Variants in TSPAN18 observed in about 807,000 individuals in gnomAD.
The protein encoded by TSPAN18 is tetraspanin 18.
TSPAN18 carries 14 observed loss-of-function variants against 27.3 expected under a neutral mutation model. The observed-to-expected ratio is 0.51, with a 90% CI of 0.34 to 0.80. The LOEUF (loss-of-function observed/expected upper bound fraction) is 0.80, where lower values mean the gene tolerates loss of function less well. TSPAN18 is among the 30% of genes least tolerant of loss of function. The pLI, the probability that TSPAN18 is intolerant of heterozygous loss-of-function variation, is 0.01. For missense variants in TSPAN18, 268 were observed against 323.9 expected (o/e 0.83, Z 1.32); for synonymous variants, 143 against 136.5 (o/e 1.05, Z -0.33).
At chr11:44,734,831 G>C (rs999206852) in intron 1 of TSPAN18, among the ~76,000 whole-genome samples, 1 of 152,170 alleles carries the variant, frequency 6.6e-6, no homozygotes, top group Non-Finnish European at 1.5e-5. Context: ...AGATTGCAGC[G>C]TGCTCTAGTG....
chr11:44,810,068 G>A (rs192747964), intron 2 of TSPAN18, among the ~76,000 whole-genome samples: 7 of 152,230 alleles, frequency 4.6e-5, no homozygotes, highest in Admixed American at 3.3e-4. Flanking sequence ...CGTATTACCC[G>A]TTTGCCTTCA....
At chr11:44,870,645 G>T (rs1426805671) in intron 3 of TSPAN18, among the ~76,000 whole-genome samples, 1 of 152,156 alleles carries the variant, frequency 6.6e-6, no homozygotes, top group African/African-American at 2.4e-5. Context: ...TTGATCTTTG[G>T]TTTCATCCTT....
chr11:44,893,670 C>G (rs1020894634), intron 3 of TSPAN18, among the ~76,000 whole-genome samples: 2 of 152,210 alleles, frequency 1.3e-5, no homozygotes, highest in African/African-American at 4.8e-5. Flanking sequence ...AGCTCTGGGA[C>G]CTTTCTAGCC....
At chr11:44,816,520 G>T (rs149607684) in intron 2 of TSPAN18, among the ~76,000 whole-genome samples, 222 of 151,354 alleles carry the variant, frequency 1.5e-3, no homozygotes, top group African/African-American at 5.0e-3. Context: ...CTCATAACCC[G>T]TGCAGTCCTC....
chr11:44,860,074 G>A (rs1259655233), intron 2 of TSPAN18, among the ~76,000 whole-genome samples: 1 of 152,188 alleles, frequency 6.6e-6, no homozygotes, highest in East Asian at 1.9e-4. Context: ...AGATGCAGGG[G>A]TTATGACGCT....
intron 3 of TSPAN18, among the ~76,000 whole-genome samples, chr11:44,871,973 G>A (rs911188108): frequency 2.0e-5 from 3 of 152,054 alleles, no homozygotes; most frequent in Non-Finnish European, 4.4e-5. Flanking sequence ...ACCCAGGCTG[G>A]AGTGCAGTGA....
chr11:44,751,220 C>T (rs1169573625), intron 1 of TSPAN18, among the ~76,000 whole-genome samples: 4 of 152,282 alleles, frequency 2.6e-5, no homozygotes, highest in South Asian at 2.1e-4. Context: ...TGGCGAGGCT[C>T]GTGCTTGGCT....
At chr11:44,784,814 G>A (rs770374920) in intron 2 of TSPAN18, among the ~76,000 whole-genome samples, 5 of 152,148 alleles carry the variant, frequency 3.3e-5, no homozygotes, top group South Asian at 2.1e-4. Flanking sequence ...TCAAGGCTCC[G>A]GGAGTTAAAT....
chr11:44,739,350 G>A (rs1043306610), intron 1 of TSPAN18, among the ~76,000 whole-genome samples: 8 of 152,156 alleles, frequency 5.3e-5, no homozygotes, highest in Admixed American at 3.3e-4. Flanking sequence ...GGCTGGGTGC[G>A]GTGGCTCATG....
chr11:44,911,804 G>A (rs532873440), intron 5 of TSPAN18, among the ~76,000 whole-genome samples: 31 of 152,160 alleles, frequency 2.0e-4, no homozygotes, highest in African/African-American at 7.5e-4. Flanking sequence ...CCTCCCTCCC[G>A]TGCTATGCGA....
chr11:44,875,713 A>G (rs548566347), intron 3 of TSPAN18, among the ~76,000 whole-genome samples: 1 of 152,326 alleles, frequency 6.6e-6, no homozygotes, highest in African/African-American at 2.4e-5. Flanking sequence ...TTGGCCTCAG[A>G]GAAGTGGCTT....
chr11:44,810,680 C>T (rs1212763990), intron 2 of TSPAN18, among the ~76,000 whole-genome samples: 1 of 150,322 alleles, frequency 6.7e-6, no homozygotes, highest in Non-Finnish European at 1.5e-5. Context: ...CGGCTTATGG[C>T]TCACTGTAAC....
At chr11:44,899,307 G>A (rs954616429) in intron 3 of TSPAN18, among the ~76,000 whole-genome samples, 4 of 152,194 alleles carry the variant, frequency 2.6e-5, no homozygotes, top group Non-Finnish European at 5.9e-5. Flanking sequence ...AATAAACAAG[G>A]TCCCCACCTG....
rs1214230251 is a variant in TSPAN18 at position 44,931,243 on chromosome 11, T to TG, written c.*2070dup. 1 of 297,088 alleles carries TG rather than the reference T, an allele frequency of 3.4e-6. No individual in the cohort carries two copies. The highest frequency in any genetic ancestry group is 6.7e-6 in the Non-Finnish European group (1 of 149,814). 18.4% of individuals were successfully genotyped at this position (297,088 alleles called of 1,614,324 possible). ...TGGTACCGCGGCCCAGCCTGGGGCC[T>TG]GGGGGCTGCCCCTCTTGAACCACCC... On this transcript the variant is annotated 3_prime_UTR_variant, in exon 10 of 10. Transcript: ENST00000520358.
intron 4 of TSPAN18, among the ~76,000 whole-genome samples, chr11:44,908,968 C>T (rs776809800): frequency 4.6e-5 from 7 of 152,266 alleles, no homozygotes; most frequent in Non-Finnish European, 1.0e-4. Context: ...GATTTTGACA[C>T]TTGCCTAGGG....
chr11:44,853,565 C>T (rs967591661), intron 2 of TSPAN18, among the ~76,000 whole-genome samples: 9 of 152,108 alleles, frequency 5.9e-5, no homozygotes, highest in Non-Finnish European at 1.2e-4. Flanking sequence ...CCATCGTCTC[C>T]GTCTTACACT....
intron 3 of TSPAN18, among the ~76,000 whole-genome samples, chr11:44,895,356 G>T (rs1028190947): frequency 4.6e-5 from 7 of 152,198 alleles, no homozygotes; most frequent in African/African-American, 1.7e-4. Flanking sequence ...ACCACCTTTG[G>T]CTTCCAAATT....
Position 44,791,632 on chromosome 11 carries a change from C to T in TSPAN18, c.-153+27120C>T, listed in dbSNP as rs548335202. 3.3e-5 allele frequency among the ~76,000 whole-genome samples: 5 copies of T among 152,360 alleles called. 1 individual carries two copies. In the South Asian group the frequency reaches 8.3e-4, roughly 25 times the overall value. ...GGACTGTCTCCTCCTCCTGGTCCCC[C>T]CTGTGTCCCCAGGCTCCAGGGAACC... On this transcript the variant is annotated intron_variant, in intron 2 of 9. Transcript: ENST00000520358.
At chr11:44,889,215 C>G (rs1858762162) in intron 3 of TSPAN18, among the ~76,000 whole-genome samples, 1 of 152,254 alleles carries the variant, frequency 6.6e-6, no homozygotes. Flanking sequence ...GGGGCACCCC[C>G]TTAGGAAGTG....
Sources: gnomAD v4.1 joint callset for allele counts (sites outside exome capture counted in the v4.1 genomes callset) on GRCh38, gnomAD v4.1.1 for gene constraint, MANE v1.5 for transcripts, NCBI Gene and HGNC (gene_info 2026-07-23, HGNC 2026-07-21) for gene names.